Variants in SIAH3 observed in about 807,000 individuals in gnomAD.
The protein encoded by SIAH3 is seven in absentia homolog 3.
Under a neutral mutation model 12.6 loss-of-function variants are expected in SIAH3, and 9 were observed. The ratio of observed to expected loss-of-function variants is 0.72; its 90% confidence interval spans 0.43 to 1.25. The LOEUF is 1.25. SIAH3 is among the 50% of genes most tolerant of loss of function. The pLI, the probability that SIAH3 is intolerant of heterozygous loss-of-function variation, is 0.00. For missense variants in SIAH3, 390 were observed against 365.4 expected, an observed-to-expected ratio of 1.07 and a Z score of -0.55; for synonymous variants, 154 against 151.1, an observed-to-expected ratio of 1.02 and a Z score of -0.14.
intron 1 of SIAH3, among the ~76,000 whole-genome samples, chr13:45,847,771 T>G (rs559972471): frequency 6.6e-6 from 1 of 152,156 alleles, no homozygotes; most frequent in Non-Finnish European, 1.5e-5. Context: ...ACTATTCTTC[T>G]TTCAGAAACT....
chr13:45,805,577 T>A (rs892848819), intron 1 of SIAH3, among the ~76,000 whole-genome samples: 5 of 152,096 alleles, frequency 3.3e-5, no homozygotes, highest in African/African-American at 1.2e-4. Flanking sequence ...AAAAATTAAC[T>A]CAAGATGGAT....
intron 1 of SIAH3, among the ~76,000 whole-genome samples, 179 bp from the exon 2 acceptor site, chr13:45,784,236 C>T (rs1206224250): frequency 5.9e-5 from 9 of 151,704 alleles, no homozygotes; most frequent in African/African-American, 1.7e-4. Context: ...ACAGAGTGGG[C>T]GCCTTGGGGT....
chr13:45,788,304 T>C (rs1408937264), intron 1 of SIAH3, among the ~76,000 whole-genome samples: 1 of 152,232 alleles, frequency 6.6e-6, no homozygotes, highest in Non-Finnish European at 1.5e-5. Flanking sequence ...TCCCATCTAA[T>C]ACAGTGGATG....
At chr13:45,788,875 T>A (rs1950536208) in intron 1 of SIAH3, among the ~76,000 whole-genome samples, 1 of 152,228 alleles carries the variant, frequency 6.6e-6, no homozygotes, top group Non-Finnish European at 1.5e-5. Context: ...TGAATATTAA[T>A]TAACTGAAGT....
In SIAH3 at chr13:45,783,644, G is replaced by T. The variant is rs1415002498; in HGVS notation, c.549C>A (p.Phe183Leu). The change falls in exon 2 of 2, where the codon TTC becomes TTA. Residue 183 changes from phenylalanine to leucine, a missense_variant. Physicochemically the swap from Phe to Leu is conservative, Grantham distance 22. Transcript: ENST00000400405. ...TCCCAATCAGCATCATGGTGGCAAA[G>T]AACTGGGGGTGCCCTTCATGCCTCT... ...KQERHEGHPQ[F>L]FATMMLIGTP... 2 of 1,614,148 alleles carry T rather than the reference G, an allele frequency of 1.2e-6. No homozygotes were observed. The highest frequency in any genetic ancestry group is 8.5e-7 in the Non-Finnish European group (1 of 1,179,992).
At position 45,784,396 on chromosome 13, in the gene SIAH3, CTGTTTT is replaced by C. The variant is rs1438215509; in HGVS notation, c.136-345_136-340del. ...CATCAATCACAAAGAACAAAGACAG[CTGTTTT>C]TTTTTTTTTTTTTTTTTTTGCTTTT... On this transcript the variant is annotated intron_variant, in intron 1 of 1. Transcript: ENST00000400405. Among the ~76,000 whole-genome samples, 985 of 101,994 alleles carry C rather than the reference CTGTTTT, an allele frequency of 9.7e-3. 16 individuals carry two copies. Among genetic ancestry groups the C allele is most frequent in the African/African-American group, 0.036 (928 of 25,600 alleles). 66.9% of individuals were successfully genotyped at this position (101,994 alleles called of 152,430 possible).
chr13:45,791,638 G>A (rs1026540043), intron 1 of SIAH3, among the ~76,000 whole-genome samples: 9 of 152,338 alleles, frequency 5.9e-5, no homozygotes, highest in African/African-American at 1.7e-4. Flanking sequence ...GTACTGACAC[G>A]TGCCCAGCTG....
Position 45,782,324 on chromosome 13 carries a change from G to C in SIAH3, c.*1059C>G, listed in dbSNP as rs1353651723. On this transcript the variant is annotated 3_prime_UTR_variant, in exon 2 of 2. Coordinates refer to ENST00000400405, the MANE Select transcript of SIAH3 (RefSeq NM_198849.3). ...TTTTAGAAAGTGAGGAAAGGGAAGA[G>C]AGCCTCCCAGGTTTGTAAGTGATGA... 1 of 152,176 alleles carries C rather than the reference G, an allele frequency of 6.6e-6. No individual in the cohort carries two copies. The highest frequency in any genetic ancestry group is 1.5e-5 in the Non-Finnish European group (1 of 68,038). The allele number at this position is 152,176 out of a possible 1,614,324, so 9.4% of individuals were successfully genotyped here. A position where few individuals can be genotyped will look rare whatever the true frequency, so the allele number is the denominator to read the frequency against.
At chr13:45,789,357 CATCT>C (rs67992215) in intron 1 of SIAH3, among the ~76,000 whole-genome samples, 13,280 of 106,558 alleles carry the variant, frequency 0.12, 660 homozygotes, top group African/African-American at 0.18. Context: ...GTGTATCTAT[CATCT>C]ATCTATCTAT....
chr13:45,797,493 C>T (rs1440393618), intron 1 of SIAH3, among the ~76,000 whole-genome samples: 1 of 152,138 alleles, frequency 6.6e-6, no homozygotes, highest in Admixed American at 6.5e-5. Flanking sequence ...TTCTGTCCTG[C>T]CCTTGTAGAA....
At chr13:45,805,130 A>G (rs1398619959) in intron 1 of SIAH3, among the ~76,000 whole-genome samples, 1 of 152,038 alleles carries the variant, frequency 6.6e-6, no homozygotes, top group Non-Finnish European at 1.5e-5. Context: ...TATGCCCAAT[A>G]TTGTCAAAAT....
intron 1 of SIAH3, among the ~76,000 whole-genome samples, chr13:45,799,739 C>G (rs2137557002): frequency 6.6e-6 from 1 of 152,314 alleles, no homozygotes; most frequent in African/African-American, 2.4e-5. Flanking sequence ...TCAATTATCC[C>G]CATGTGTATT....
intron 1 of SIAH3, among the ~76,000 whole-genome samples, chr13:45,849,828 AT>A (rs1593391245): frequency 6.6e-6 from 1 of 152,242 alleles, no homozygotes; most frequent in East Asian, 1.9e-4. Flanking sequence ...CTCATAAGCA[AT>A]TTTTAAAGGT....
rs1566085821 is a variant in SIAH3, at chr13:45,784,074, G to GAACGTC, written c.136-23_136-18dup. On this transcript the variant is annotated splice_polypyrimidine_tract_variant and intron_variant, in intron 1 of 1. Coordinates refer to ENST00000400405, the MANE Select transcript of SIAH3 (RefSeq NM_198849.3). ...GGACACATACTGTAAGGAAAGAGAAGAACGTCAGTGCGGGGATGAGGCCCA... is the reference window on the plus strand; with the variant it reads ...GGACACATACTGTAAGGAAAGAGAAGAACGTCAACGTCAGTGCGGGGATGAGGCCCA... 1.3e-6 allele frequency: 2 copies of GAACGTC among 1,557,840 alleles called. No homozygotes were observed. The highest frequency in any genetic ancestry group is 2.2e-5 in the East Asian group (1 of 44,530).
Position 45,783,546 on chromosome 13 carries a change from G to T in SIAH3, c.647C>A (p.Ala216Asp). The T allele has an allele frequency of 2.5e-6, 4 of 1,614,238 alleles. No individual in the cohort carries two copies. Among genetic ancestry groups the T allele is most frequent in the Non-Finnish European group, 3.4e-6 (4 of 1,180,046 alleles). The change falls in exon 2 of 2, where the codon GCC (alanine) becomes GAC (aspartate). Residue 216 changes from alanine (A) to aspartate (D), a missense_variant. Coordinates refer to ENST00000400405, the MANE Select transcript of SIAH3 (RefSeq NM_198849.3). ...GCACTCAAGAACAGACCGGGGCGTGGCCTCCCACTTGAGGCGCCGATGGTT... is the reference window on the plus strand; with the variant it reads ...GCACTCAAGAACAGACCGGGGCGTGTCCTCCCACTTGAGGCGCCGATGGTT... ...NRNHRRLKWEATPRSVLECVD... is the reference protein window; with the variant it reads ...NRNHRRLKWEDTPRSVLECVD...
intron 1 of SIAH3, among the ~76,000 whole-genome samples, chr13:45,810,810 T>C (rs556476256): frequency 6.6e-6 from 1 of 152,336 alleles, no homozygotes; most frequent in African/African-American, 2.4e-5. Flanking sequence ...TGGTGCATTG[T>C]TGCCATGGAC....
At chr13:45,843,833 G>A (rs927022356) in intron 1 of SIAH3, among the ~76,000 whole-genome samples, 8 of 152,130 alleles carry the variant, frequency 5.3e-5, no homozygotes, top group African/African-American at 1.7e-4. Context: ...AGCTGTTGTC[G>A]TCATAATGAC....
chr13:45,834,920 G>C (rs1950712874), intron 1 of SIAH3, among the ~76,000 whole-genome samples: 2 of 152,148 alleles, frequency 1.3e-5, no homozygotes, highest in Non-Finnish European at 2.9e-5. Context: ...ATTAATATTG[G>C]TAATTAGAAC....
intron 1 of SIAH3, among the ~76,000 whole-genome samples, chr13:45,842,652 C>T (rs1950744399): frequency 6.6e-6 from 1 of 152,144 alleles, no homozygotes; most frequent in Non-Finnish European, 1.5e-5. Flanking sequence ...CTGGCCTGTA[C>T]ATCGTATTAT....
Sources: allele counts gnomAD v4.1 joint callset (sites outside exome capture counted in the v4.1 genomes callset), GRCh38; gene constraint gnomAD v4.1.1; transcripts MANE v1.5; gene names NCBI Gene and HGNC (gene_info 2026-07-23, HGNC 2026-07-21).